The following LCORL variants were observed in gnomAD, a reference collection of about 807,000 sequenced individuals.
LCORL encodes ligand-dependent nuclear receptor corepressor-like protein.
Under a neutral mutation model 141.8 loss-of-function variants are expected in LCORL, and 41 were observed. That is an observed-to-expected ratio of 0.29 (90% confidence interval 0.23 to 0.38). The LOEUF is 0.38. Ranked by LOEUF, LCORL falls within the 10% of genes least tolerant of loss-of-function variation. The pLI, the probability that LCORL is intolerant of heterozygous loss-of-function variation, is 1.00. For synonymous variants in LCORL, 618 were observed against 694.1 expected, an observed-to-expected ratio of 0.89 and a Z score of 1.72; for missense variants, 1,759 against 2,035.0, an observed-to-expected ratio of 0.86 and a Z score of 2.61.
chr4:17,869,361 G>A (rs1187993016), intron 7 of LCORL, among the ~76,000 whole-genome samples: 1 of 151,976 alleles, frequency 6.6e-6, no homozygotes, highest in Non-Finnish European at 1.5e-5. Flanking sequence ...ATCTAGCCTT[G>A]AATATGACTT....
chr4:17,969,532 A>T (rs1191113151), intron 2 of LCORL, among the ~76,000 whole-genome samples: 1 of 152,202 alleles, frequency 6.6e-6, no homozygotes, highest in Non-Finnish European at 1.5e-5. Flanking sequence ...ATTTTTCAAG[A>T]GAAAACAGTA....
chr4:17,893,581 G>A (rs1729434774), intron 5 of LCORL: 1 of 985,268 alleles, frequency 1.0e-6, no homozygotes, highest in Non-Finnish European at 1.2e-6. Flanking sequence ...CCTGCAGATA[G>A]CTCTGGGTGG....
At chr4:17,869,364 T>C (rs141111742) in intron 7 of LCORL, among the ~76,000 whole-genome samples, 2 of 152,264 alleles carry the variant, frequency 1.3e-5, no homozygotes, top group Non-Finnish European at 1.5e-5. Flanking sequence ...TAGCCTTGAA[T>C]ATGACTTGTG....
At position 18,021,867 on chromosome 4, in the gene LCORL, C is replaced by A; in HGVS notation, c.-116G>T. The A allele has an allele frequency of 1.7e-6, 2 of 1,181,588 alleles. No individual in the cohort carries two copies. Among genetic ancestry groups the A allele is most frequent in the Non-Finnish European group, 2.3e-6 (2 of 888,632 alleles). 73.2% of individuals were successfully genotyped at this position (1,181,588 alleles called of 1,614,324 possible). ...CGCCCCCCGGAGGGGGGTTGATTGACACGTGTCACTACCTTCCCTCTGCCC... is the reference window on the plus strand; with the variant it reads ...CGCCCCCCGGAGGGGGGTTGATTGAAACGTGTCACTACCTTCCCTCTGCCC... On this transcript the variant is annotated 5_prime_UTR_variant, in exon 1 of 8. Coordinates refer to ENST00000635767, the Ensembl canonical transcript of LCORL. This position sits in a 1 kb window ranked among gnomAD's most constrained non-coding sequence, Gnocchi z 5.5.
At chr4:17,994,783 AAAAATCACATAAATG>A (rs1447686126) in intron 1 of LCORL, among the ~76,000 whole-genome samples, 3 of 150,628 alleles carry the variant, frequency 2.0e-5, no homozygotes, top group Non-Finnish European at 2.9e-5. Flanking sequence ...TAGGGAAAAA[AAAAATCACATAAATG>A]TTAATTTATG....
At position 17,884,588 on chromosome 4, in the gene LCORL, GC is replaced by G; in HGVS notation, c.776+1479del. The G allele has an allele frequency of 6.5e-7, 1 of 1,544,058 alleles. No individual in the cohort carries two copies. Among genetic ancestry groups the G allele is most frequent in the Non-Finnish European group, 8.7e-7 (1 of 1,144,544 alleles). On this transcript the variant is annotated intron_variant, in intron 6 of 7. Transcript: ENST00000635767. The surrounding 1 kb of genome is among the most constrained non-coding windows in gnomAD (Gnocchi z 4.4). ...AGATGCAGGCTTCCCTGCTGGTAAGGCTTCTAAGTGAAGAAGTAAAGTTTTT... is the reference window on the plus strand; with the variant it reads ...AGATGCAGGCTTCCCTGCTGGTAAGGTTCTAAGTGAAGAAGTAAAGTTTTT...
intron 7 of LCORL, among the ~76,000 whole-genome samples, chr4:17,866,267 T>C (rs1367880081): frequency 5.9e-5 from 9 of 152,156 alleles, no homozygotes; most frequent in Non-Finnish European, 1.2e-4. Flanking sequence ...TTAATGGCCA[T>C]TTGCTCAGGG....
intron 1 of LCORL, among the ~76,000 whole-genome samples, chr4:17,981,796 A>C (rs1279098444): frequency 2.0e-5 from 3 of 152,056 alleles, no homozygotes; most frequent in Non-Finnish European, 1.5e-5. Flanking sequence ...GGTTTGTTAC[A>C]TAGGCAAACT....
At chr4:17,887,759 C>G (rs1322168278) in intron 5 of LCORL, among the ~76,000 whole-genome samples, 1 of 152,114 alleles carries the variant, frequency 6.6e-6, no homozygotes, top group Non-Finnish European at 1.5e-5. Context: ...TTTAAAAGAT[C>G]AATCTGCTAT....
intron 7 of LCORL, among the ~76,000 whole-genome samples, chr4:17,850,220 G>A (rs1457185414): frequency 2.8e-5 from 4 of 143,876 alleles, no homozygotes; most frequent in African/African-American, 5.2e-5. Flanking sequence ...CATAGGCATG[G>A]GCAAGGACTT....
chr4:17,881,316 A>C, intron 6 of LCORL: 9 of 981,404 alleles, frequency 9.2e-6, no homozygotes, highest in Non-Finnish European at 1.1e-5. Context: ...AGTACTTTGA[A>C]AGTTTAACAT....
chr4:17,940,154 GTATATATATGTATACATGTA>G (rs755874197), intron 4 of LCORL, among the ~76,000 whole-genome samples: 1 of 127,168 alleles, frequency 7.9e-6, no homozygotes, highest in South Asian at 3.0e-4. Context: ...ATGTATATAT[GTATATATATGTATACATGTA>G]TATATATATA....
intron 1 of LCORL, among the ~76,000 whole-genome samples, chr4:18,017,440 A>T (rs1724806303): frequency 6.6e-6 from 1 of 152,144 alleles, no homozygotes; most frequent in African/African-American, 2.4e-5. Context: ...CCAGCTTAAC[A>T]AAATTTTCAA....
intron 7 of LCORL, among the ~76,000 whole-genome samples, chr4:17,859,838 A>G (rs559924039): frequency 1.3e-5 from 2 of 152,346 alleles, no homozygotes; most frequent in South Asian, 4.1e-4. Flanking sequence ...GAACCAAATC[A>G]AGAAAGCAAT....
Position 17,870,413 on chromosome 4 carries a change from C to T in LCORL, c.5602+2975G>A, listed in dbSNP as rs988831770. Among the ~76,000 whole-genome samples the T allele has an allele frequency of 2.0e-5, 3 of 152,154 alleles. No individual in the cohort carries two copies. The East Asian group carries it at 5.8e-4, about 29-fold the overall frequency. On this transcript the variant is annotated intron_variant, in intron 7 of 7. Transcript: ENST00000635767. ...TCTACTACATCAGCCTCCTTCAAGC[C>T]TCAGCTTAGATGCAACAATGTAGGA...
chr4:17,980,110 C>A (rs1717694544), intron 1 of LCORL, among the ~76,000 whole-genome samples: 1 of 152,174 alleles, frequency 6.6e-6, no homozygotes, highest in South Asian at 2.1e-4. Context: ...CATTTCAGAT[C>A]TCTGACCTCC....
At chr4:17,922,546 G>A (rs1404220273) in intron 4 of LCORL, among the ~76,000 whole-genome samples, 4 of 152,100 alleles carry the variant, frequency 2.6e-5, no homozygotes, top group African/African-American at 7.2e-5. Context: ...TCTATCTCCC[G>A]GCTCAAGAGG....
chr4:17,884,547 G>A lies in LCORL; in HGVS notation c.776+1521C>T. On this transcript the variant is annotated intron_variant, in intron 6 of 7. Transcript: ENST00000635767. The surrounding 1 kb of genome is among the most constrained non-coding windows in gnomAD (Gnocchi z 4.4). ...TATGAATAACTATCATGGAAATCTC[G>A]AGTTTTGTTTTTAAAAGATGCAGGC... The A allele has an allele frequency of 2.0e-6, 3 of 1,534,850 alleles. No individual in the cohort carries two copies. Among genetic ancestry groups the A allele is most frequent in the Non-Finnish European group, 2.6e-6 (3 of 1,141,642 alleles).
chr4:17,883,365 C>A (rs1727836947), intron 6 of LCORL: 3 of 1,023,056 alleles, frequency 2.9e-6, no homozygotes, highest in African/African-American at 1.7e-5. Context: ...AATGGTCTTT[C>A]ACCAATAAAA....
Sources: allele counts gnomAD v4.1 joint callset (sites outside exome capture counted in the v4.1 genomes callset), GRCh38; gene constraint gnomAD v4.1.1; non-coding constraint Gnocchi (gnomAD v3.1); transcripts MANE v1.5; gene names NCBI Gene and HGNC (gene_info 2026-07-23, HGNC 2026-07-21).